Variants in SYNE1 observed in about 807,000 individuals in gnomAD.
SYNE1 encodes nesprin-1.
SYNE1 carries 616 observed loss-of-function variants against 1,111.0 expected under a neutral mutation model. That is an observed-to-expected ratio of 0.55 (90% CI 0.52 to 0.59). SYNE1 has a LOEUF of 0.59. Among genes scored for constraint, SYNE1 ranks in the 20% least tolerant of loss-of-function variants. SYNE1 has a pLI of 0.00. For synonymous variants in SYNE1, 3,855 were observed against 3,825.8 expected (o/e 1.01, Z -0.28); for missense variants, 10,006 against 10,417.0 (o/e 0.96, Z 1.72).
At chr6:152,440,764 C>T (rs1028291012) in intron 32 of SYNE1, among the ~76,000 whole-genome samples, 2 of 152,040 alleles carry the variant, frequency 1.3e-5, no homozygotes, top group East Asian at 1.9e-4. Flanking sequence ...GATGGGGTTT[C>T]ACCATGTTGG....
intron 3 of SYNE1, among the ~76,000 whole-genome samples, chr6:152,623,990 T>C (rs2099681039): frequency 6.6e-6 from 1 of 152,106 alleles, no homozygotes. Flanking sequence ...ACAAAAAAGG[T>C]TTAAGGTTTT....
At chr6:152,445,374 T>C (rs1179600801) in intron 29 of SYNE1, among the ~76,000 whole-genome samples, 1 of 152,136 alleles carries the variant, frequency 6.6e-6, no homozygotes, top group Non-Finnish European at 1.5e-5. Context: ...CTCTTCCTTA[T>C]CATTTCCCTA....
At chr6:152,588,305 A>G (rs2099546965) in intron 3 of SYNE1, among the ~76,000 whole-genome samples, 1 of 152,230 alleles carries the variant, frequency 6.6e-6, no homozygotes, top group South Asian at 2.1e-4. Context: ...AGGATAAAGA[A>G]GTATCTTATA....
intron 134 of SYNE1, 120 bp downstream of exon 134, chr6:152,151,839 G>T: frequency 6.7e-7 from 1 of 1,484,166 alleles, no homozygotes; most frequent in African/African-American, 1.4e-5. Context: ...ATCACTCCCC[G>T]GTTTACTCCT....
intron 3 of SYNE1, among the ~76,000 whole-genome samples, chr6:152,624,642 G>T (rs1407488): frequency 0.68 from 102,826 of 151,988 alleles, 34,869 homozygotes; most frequent in Non-Finnish European, 0.71. Context: ...TTTAAATTGA[G>T]TAAAGTTCCA....
At chr6:152,509,853 A>G (rs1039520072) in intron 8 of SYNE1, among the ~76,000 whole-genome samples, 1 of 152,224 alleles carries the variant, frequency 6.6e-6, no homozygotes, top group Non-Finnish European at 1.5e-5. Flanking sequence ...TTAAACTTCA[A>G]GTTTATTTAT....
Position 152,436,492 on chromosome 6 carries a change from G to C in SYNE1, c.4150-391C>G, listed in dbSNP as rs1352579. 8.7e-3 allele frequency among the ~76,000 whole-genome samples: 1,317 copies of C among 152,000 alleles called. 19 individuals are homozygous for C. The highest frequency in any genetic ancestry group is 0.03 in the African/African-American group (1,242 of 41,458). On this transcript the variant is annotated intron_variant, in intron 32 of 145. Coordinates refer to ENST00000367255, the MANE Select transcript of SYNE1 (RefSeq NM_182961.4). The stretch of plus-strand genomic sequence containing the variant: ...AATTTTCTGATTTTTGTACAGATGA[G>C]GTCTCACTATGTTGCCCAAGCTGAT...
At chr6:152,599,573 G>A (rs2099591289) in intron 3 of SYNE1, among the ~76,000 whole-genome samples, 1 of 152,136 alleles carries the variant, frequency 6.6e-6, no homozygotes, top group South Asian at 2.1e-4. Context: ...GATAAACATG[G>A]ATAAATTGTG....
At chr6:152,299,737 C>T (rs959896214) in intron 93 of SYNE1, among the ~76,000 whole-genome samples, 3 of 151,734 alleles carry the variant, frequency 2.0e-5, no homozygotes, top group Non-Finnish European at 4.4e-5. Flanking sequence ...AATCCTATGA[C>T]AGTCTGAATG....
chr6:152,194,615 TC>T (rs777240503), intron 127 of SYNE1, among the ~76,000 whole-genome samples: 2 of 152,184 alleles, frequency 1.3e-5, no homozygotes, highest in Non-Finnish European at 2.9e-5. Context: ...TCTTTCTACC[TC>T]CTTTTGAAGG....
intron 3 of SYNE1, among the ~76,000 whole-genome samples, chr6:152,568,289 C>CTTTTTTTTTTTTTTTTTTTTTTTTTTTTA (rs10601350): frequency 1.2e-5 from 1 of 80,310 alleles, no homozygotes; most frequent in Non-Finnish European, 2.2e-5. Context: ...TTATTTTATT[C>CTTTTTTTTTTTTTTTTTTTTTTTTTTTTA]TTTTTTTTTT....
At chr6:152,491,987 C>A (rs942427554) in intron 11 of SYNE1, among the ~76,000 whole-genome samples, 1 of 152,302 alleles carries the variant, frequency 6.6e-6, no homozygotes, top group Admixed American at 6.5e-5. Context: ...CCCTCCCCAA[C>A]CTGCCCAACG....
At chr6:152,329,514 G>T (rs930286568) in intron 78 of SYNE1, among the ~76,000 whole-genome samples, 1 of 152,184 alleles carries the variant, frequency 6.6e-6, no homozygotes, top group Admixed American at 6.5e-5. Context: ...GCAACAGAGC[G>T]AGACTTCGTC....
chr6:152,228,931 TA>T (rs1411594884), intron 115 of SYNE1, among the ~76,000 whole-genome samples: 19 of 151,982 alleles, frequency 1.3e-4, no homozygotes, highest in Non-Finnish European at 1.9e-4. Context: ...TTTTATTAAA[TA>T]AAAAAACTAT....
chr6:152,488,687 A>G (rs2098954306), intron 11 of SYNE1, among the ~76,000 whole-genome samples, 184 bp from the exon 12 acceptor site: 1 of 151,958 alleles, frequency 6.6e-6, no homozygotes, highest in South Asian at 2.1e-4. Flanking sequence ...CTAGAAAAGT[A>G]TCTTAGTTAT....
At chr6:152,218,492 T>A in intron 120 of SYNE1, 89 bp from the exon 121 acceptor site, 2 of 1,406,414 alleles carry the variant, frequency 1.4e-6, no homozygotes, top group Non-Finnish European at 2.0e-6. Context: ...AAGTGGATAT[T>A]AAAATTATTT....
intron 14 of SYNE1, among the ~76,000 whole-genome samples, chr6:152,477,939 T>C (rs1040624292): frequency 6.6e-6 from 1 of 152,160 alleles, no homozygotes; most frequent in Non-Finnish European, 1.5e-5. Flanking sequence ...TTTTTTATTT[T>C]TATTTTTTGT....
intron 13 of SYNE1, 98 bp downstream of exon 13, chr6:152,484,737 T>C: frequency 7.6e-7 from 1 of 1,309,970 alleles, no homozygotes; most frequent in Non-Finnish European, 1.1e-6. Flanking sequence ...ACAGAGGCAG[T>C]AGAACCTGTT....
intron 38 of SYNE1, among the ~76,000 whole-genome samples, chr6:152,426,384 T>C (rs1027462929): frequency 2.0e-5 from 3 of 152,210 alleles, no homozygotes; most frequent in South Asian, 2.1e-4. Flanking sequence ...CTGCGACTTA[T>C]GCTGGGTACA....
Sources: allele counts gnomAD v4.1 joint callset (sites outside exome capture counted in the v4.1 genomes callset), GRCh38; gene constraint gnomAD v4.1.1; transcripts MANE v1.5; gene names NCBI Gene and HGNC (gene_info 2026-07-23, HGNC 2026-07-21).